Variants in NTNG1 observed in about 807,000 individuals in gnomAD.
NTNG1 encodes the protein netrin G1.
NTNG1 carries 16 observed loss-of-function variants against 54.0 expected under a neutral mutation model. The ratio of observed to expected loss-of-function variants is 0.30; its 90% confidence interval spans 0.20 to 0.45. The LOEUF is 0.45. Ranked by LOEUF, NTNG1 falls within the 20% of genes least tolerant of loss-of-function variation. NTNG1 has a pLI of 1.00. For synonymous variants in NTNG1, 255 were observed against 263.1 expected (o/e 0.97, Z 0.30); for missense variants, 530 against 678.7 (o/e 0.78, Z 2.43).
At chr1:107,357,366 G>A (rs1450614720) in intron 3 of NTNG1, among the ~76,000 whole-genome samples, 1 of 151,836 alleles carries the variant, frequency 6.6e-6, no homozygotes, top group Non-Finnish European at 1.5e-5. Context: ...GGGAAGAAAA[G>A]CTAAACATGA....
chr1:107,143,717 C>T (rs751178424), intron 1 of NTNG1, among the ~76,000 whole-genome samples: 1 of 151,624 alleles, frequency 6.6e-6, no homozygotes, highest in Admixed American at 6.6e-5. Context: ...TAGATTTTCT[C>T]ATATATGCGT....
At position 107,204,576 on chromosome 1, in the gene NTNG1, C is replaced by A. The variant is rs113411632; in HGVS notation, c.246+55737C>A. Among the ~76,000 whole-genome samples, 555 of 152,130 alleles carry A rather than the reference C, an allele frequency of 3.6e-3. 6 individuals are homozygous for A. Among genetic ancestry groups the A allele is most frequent in the Non-Finnish European group, 4.9e-3 (336 of 67,994 alleles). ...TCTCTGACCCTTCATATCACCCCAG[C>A]CACCATCTGAATACAATCAAGGATA... On this transcript the variant is annotated intron_variant, in intron 2 of 7. Coordinates refer to ENST00000370068, the MANE Select transcript of NTNG1 (RefSeq NM_001113226.3).
intron 2 of NTNG1, among the ~76,000 whole-genome samples, chr1:107,284,575 C>T (rs1665075897): frequency 6.6e-6 from 1 of 151,936 alleles, no homozygotes; most frequent in South Asian, 2.1e-4. Context: ...TTATACTTCA[C>T]AGGTTGCAGT....
chr1:107,337,640 C>A (rs903614404), intron 3 of NTNG1, among the ~76,000 whole-genome samples: 1 of 144,118 alleles, frequency 6.9e-6, no homozygotes. Flanking sequence ...ACAACAACAA[C>A]AAAAATAACT....
chr1:107,380,093 T>C (rs1671551156), intron 3 of NTNG1, among the ~76,000 whole-genome samples: 1 of 152,218 alleles, frequency 6.6e-6, no homozygotes, highest in Admixed American at 6.5e-5. Context: ...TTGGGAGAAC[T>C]GTCTGCAGTG....
chr1:107,176,573 G>A (rs1305333960), intron 2 of NTNG1, among the ~76,000 whole-genome samples: 2 of 152,100 alleles, frequency 1.3e-5, no homozygotes, highest in Admixed American at 6.6e-5. Context: ...GAGGCTTAAG[G>A]GTGCTGTGAT....
At chr1:107,258,257 GTT>G (rs557783183) in intron 2 of NTNG1, among the ~76,000 whole-genome samples, 1 of 133,734 alleles carries the variant, frequency 7.5e-6, no homozygotes, top group African/African-American at 2.8e-5. Flanking sequence ...AGAGTTGTTG[GTT>G]TTTTTTTTTC....
intron 5 of NTNG1, 37 bp from the exon 6 acceptor site, chr1:107,430,713 T>A: frequency 6.2e-7 from 1 of 1,608,224 alleles, no homozygotes; most frequent in Non-Finnish European, 8.5e-7. Context: ...TCTGCTACTG[T>A]ATACACTCTG....
intron 2 of NTNG1, among the ~76,000 whole-genome samples, chr1:107,215,695 G>A (rs115476488): frequency 2.6e-3 from 393 of 152,204 alleles, no homozygotes; most frequent in African/African-American, 9.2e-3. Context: ...ATATTTTGAT[G>A]AGAATTGCAA....
At chr1:107,179,399 G>A (rs575299493) in intron 2 of NTNG1, among the ~76,000 whole-genome samples, 46 of 151,870 alleles carry the variant, frequency 3.0e-4, no homozygotes, top group African/African-American at 8.7e-4. Context: ...TATCTTTTAT[G>A]TTTTTATTTT....
upstream of NTNG1, among the ~76,000 whole-genome samples, chr1:107,140,486 C>T (rs1213072677): frequency 6.6e-6 from 1 of 151,964 alleles, no homozygotes; most frequent in Non-Finnish European, 1.5e-5. Flanking sequence ...TATATTTCAT[C>T]AAACGGACTT....
intron 2 of NTNG1, among the ~76,000 whole-genome samples, chr1:107,301,080 G>GA (rs201054450): frequency 0.011 from 1,732 of 150,644 alleles, 36 homozygotes; most frequent in African/African-American, 0.04. Context: ...ATCAATATTA[G>GA]AAAAAAAAGT....
intron 3 of NTNG1, among the ~76,000 whole-genome samples, chr1:107,347,459 G>A (rs201425374): frequency 6.6e-6 from 1 of 152,292 alleles, no homozygotes; most frequent in South Asian, 2.1e-4. Context: ...AGGCCGCAGT[G>A]AGCCGAGATT....
chr1:107,155,006 C>G (rs573473715), intron 2 of NTNG1, among the ~76,000 whole-genome samples: 4 of 151,978 alleles, frequency 2.6e-5, no homozygotes, highest in Non-Finnish European at 5.9e-5. Flanking sequence ...CTCCTTCAGT[C>G]CCCCTGGAGA....
intron 2 of NTNG1, among the ~76,000 whole-genome samples, chr1:107,152,866 T>C (rs556888791): frequency 6.6e-6 from 1 of 152,270 alleles, no homozygotes; most frequent in African/African-American, 2.4e-5. Flanking sequence ...CAGTTAGCAA[T>C]AACCTCATTA....
chr1:107,233,576 A>G (rs1661206774), intron 2 of NTNG1, among the ~76,000 whole-genome samples: 1 of 152,184 alleles, frequency 6.6e-6, no homozygotes, highest in African/African-American at 2.4e-5. Flanking sequence ...TTTGGAAAAC[A>G]TTCAGCATGG....
intron 3 of NTNG1, among the ~76,000 whole-genome samples, chr1:107,392,969 C>T (rs887791235): frequency 6.6e-6 from 1 of 152,026 alleles, no homozygotes; most frequent in African/African-American, 2.4e-5. Context: ...TTTAGGACAG[C>T]TGAGAATGAG....
chr1:107,380,092 C>T (rs1164794915), intron 3 of NTNG1, among the ~76,000 whole-genome samples: 1 of 152,224 alleles, frequency 6.6e-6, no homozygotes, highest in Admixed American at 6.5e-5. Flanking sequence ...GTTGGGAGAA[C>T]TGTCTGCAGT....
chr1:107,424,265 C>T (rs1261876033), intron 5 of NTNG1, among the ~76,000 whole-genome samples: 1 of 151,946 alleles, frequency 6.6e-6, no homozygotes, highest in Admixed American at 6.6e-5. Context: ...TCCAGACCAG[C>T]AAGTGCAAAG....
Sources: allele counts gnomAD v4.1 joint callset (sites outside exome capture counted in the v4.1 genomes callset), GRCh38; gene constraint gnomAD v4.1.1; transcripts MANE v1.5; gene names NCBI Gene and HGNC (gene_info 2026-07-23, HGNC 2026-07-21).